Variants in CHODL observed in about 807,000 individuals in gnomAD.
The protein encoded by CHODL is transmembrane protein MT75.
Under a neutral mutation model 34.5 loss-of-function variants are expected in CHODL, and 29 were observed. That is an observed-to-expected ratio of 0.84 (90% confidence interval 0.63 to 1.15). The LOEUF is 1.15. CHODL is among the 50% of genes most tolerant of loss of function. The pLI is 0.00. For synonymous variants in CHODL, 125 were observed against 116.1 expected (o/e 1.08, Z -0.49); for missense variants, 332 against 332.5 (o/e 1.00, Z 0.01).
intron 2 of CHODL, among the ~76,000 whole-genome samples, chr21:18,037,464 C>A (rs149780): frequency 0.79 from 120,554 of 151,718 alleles, 48,861 homozygotes; most frequent in African/African-American, 0.95. Flanking sequence ...AATTATTAGA[C>A]TCCTACCATC....
intron 2 of CHODL, among the ~76,000 whole-genome samples, chr21:18,238,550 G>A (rs974849677): frequency 6.6e-6 from 1 of 152,128 alleles, no homozygotes; most frequent in Non-Finnish European, 1.5e-5. Flanking sequence ...AATTCAAGAT[G>A]AGATTTGGGT....
intron 2 of CHODL, among the ~76,000 whole-genome samples, chr21:18,238,836 T>C (rs1337395693): frequency 1.3e-5 from 2 of 152,192 alleles, no homozygotes; most frequent in African/African-American, 2.4e-5. Flanking sequence ...TTCAACATCA[T>C]AAATATTTAA....
chr21:18,185,946 C>T (rs1314281175), intron 2 of CHODL, among the ~76,000 whole-genome samples: 1 of 152,166 alleles, frequency 6.6e-6, no homozygotes, highest in East Asian at 1.9e-4. Flanking sequence ...GTCCCACCTT[C>T]TAATACCATC....
intron 2 of CHODL, among the ~76,000 whole-genome samples, chr21:18,062,506 C>G (rs2064680406): frequency 2.0e-5 from 3 of 152,028 alleles, no homozygotes. Flanking sequence ...TGGCTCACGA[C>G]TGTAATCCCA....
chr21:18,024,785 G>C (rs2064158284), intron 1 of CHODL: 2 of 152,146 alleles, frequency 1.3e-5, no homozygotes, highest in African/African-American at 4.8e-5. Flanking sequence ...AATGCCATGG[G>C]AGTTTATTTG....
rs1447985865 is a variant in CHODL, at chr21:18,106,473, T to G, written c.-45+78502T>G. On this transcript the variant is annotated intron_variant, in intron 2 of 6. Coordinates refer to the CHODL transcript ENST00000400127. Reference sequence around the variant, plus strand: ...TGAAATATTTTTTGTTACTAGATCTTTCTTTTTTCTTTTTTCTTTTTCTTT... The same window carrying G: ...TGAAATATTTTTTGTTACTAGATCTGTCTTTTTTCTTTTTTCTTTTTCTTT... Among the ~76,000 whole-genome samples, 2 of 145,770 alleles carry G rather than the reference T, an allele frequency of 1.4e-5. 1 individual carries two copies. Among genetic ancestry groups the G allele is most frequent in the African/African-American group, 5.4e-5 (2 of 37,022 alleles).
chr21:18,054,145 C>T (rs2064550770), intron 2 of CHODL, among the ~76,000 whole-genome samples: 1 of 151,784 alleles, frequency 6.6e-6, no homozygotes, highest in East Asian at 1.9e-4. Context: ...TATGTTTATA[C>T]ATCCATATAT....
intron 2 of CHODL, among the ~76,000 whole-genome samples, chr21:18,187,638 A>G (rs543071980): frequency 8.2e-4 from 125 of 152,178 alleles, no homozygotes; most frequent in African/African-American, 2.8e-3. Context: ...ATGTTTTCTT[A>G]TATTCCCAGA....
chr21:18,020,714 C>G (rs1428439864), intron 1 of CHODL, among the ~76,000 whole-genome samples: 1 of 152,132 alleles, frequency 6.6e-6, no homozygotes, highest in Non-Finnish European at 1.5e-5. Context: ...GAGGTCCTAA[C>G]CCCTAGCTAT....
chr21:18,257,536 G>C (rs1291567856), intron 3 of CHODL, among the ~76,000 whole-genome samples: 1 of 152,138 alleles, frequency 6.6e-6, no homozygotes, highest in Non-Finnish European at 1.5e-5. Flanking sequence ...GACTTTAAGA[G>C]AACAAAGCAC....
intron 2 of CHODL, among the ~76,000 whole-genome samples, chr21:18,211,399 T>C (rs1162861490): frequency 1.3e-5 from 2 of 152,180 alleles, no homozygotes; most frequent in African/African-American, 4.8e-5. Context: ...ATGAATGAGT[T>C]ACTTAAGCTA....
intron 2 of CHODL, among the ~76,000 whole-genome samples, chr21:18,048,663 T>G (rs2824614): frequency 6.6e-6 from 1 of 151,972 alleles, no homozygotes; most frequent in African/African-American, 2.4e-5. Flanking sequence ...ATGAATGGCA[T>G]GCGAGGTAAC....
chr21:18,104,254 G>A (rs141939552), intron 2 of CHODL, among the ~76,000 whole-genome samples: 1 of 152,094 alleles, frequency 6.6e-6, no homozygotes, highest in African/African-American at 2.4e-5. Context: ...CACGTGTCAA[G>A]GTAATTGAAT....
chr21:18,183,179 A>C (rs1212742358), intron 2 of CHODL, among the ~76,000 whole-genome samples: 1 of 152,218 alleles, frequency 6.6e-6, no homozygotes, highest in South Asian at 2.1e-4. Context: ...CACATCTGTC[A>C]TCAGGTTTTT....
At chr21:17,990,760 A>G (rs532277383) in intron 1 of CHODL, among the ~76,000 whole-genome samples, 1 of 152,252 alleles carries the variant, frequency 6.6e-6, no homozygotes, top group East Asian at 1.9e-4. Context: ...AATGTATAAT[A>G]ATCAAATCAG....
intron 2 of CHODL, among the ~76,000 whole-genome samples, chr21:18,121,794 A>G (rs2065482759): frequency 6.6e-6 from 1 of 152,104 alleles, no homozygotes. Flanking sequence ...TTAGAATAAA[A>G]TTCACTCCTT....
intron 1 of CHODL, among the ~76,000 whole-genome samples, chr21:17,989,352 A>T (rs1007075819): frequency 6.6e-6 from 1 of 152,128 alleles, no homozygotes; most frequent in African/African-American, 2.4e-5. Flanking sequence ...GAGGACATTA[A>T]GTTTCTTTTA....
intron 2 of CHODL, among the ~76,000 whole-genome samples, chr21:18,202,645 T>TGTTGTTTAAGACATCCA (rs148301806): frequency 0.13 from 19,046 of 152,220 alleles, 1,313 homozygotes; most frequent in African/African-American, 0.18. Context: ...CCATCCAGTC[T>TGTTGTTTAAGACATCCA]GTGGTGTCTT....
chr21:18,005,381 A>G (rs2063950415), intron 1 of CHODL, among the ~76,000 whole-genome samples: 1 of 152,246 alleles, frequency 6.6e-6, no homozygotes, highest in Admixed American at 6.5e-5. Flanking sequence ...TGCTTAATAA[A>G]ATAAAGAGAC....
Sources: allele counts gnomAD v4.1 joint callset (sites outside exome capture counted in the v4.1 genomes callset), GRCh38; gene constraint gnomAD v4.1.1; transcripts MANE v1.5; gene names NCBI Gene and HGNC (gene_info 2026-07-23, HGNC 2026-07-21).